Variants in TG observed in about 807,000 individuals in gnomAD.
The protein encoded by TG is thyroglobulin.
In TG, 270 loss-of-function variants were observed where a neutral mutation model predicts 324.7. The ratio of observed to expected loss-of-function variants is 0.83; its 90% CI spans 0.75 to 0.92. The LOEUF (loss-of-function observed/expected upper bound fraction) is 0.92, where lower values mean the gene tolerates loss of function less well. Among genes scored for constraint, TG ranks in the 40% least tolerant of loss-of-function variants. The pLI is 0.00. For missense variants in TG, 3,591 were observed against 3,456.4 expected, an observed-to-expected ratio of 1.04 and a Z score of -0.98; for synonymous variants, 1,401 against 1,327.0, an observed-to-expected ratio of 1.06 and a Z score of -1.21.
In TG at chr8:133,050,261, A is replaced by C. The variant is rs187254214; in HGVS notation, c.7239+20238A>C. The C allele has an allele frequency of 6.1e-6, 3 of 491,544 alleles. No individual in the cohort carries two copies. In the Admixed American group the frequency reaches 9.7e-5, roughly 16 times the overall value. The allele number at this position is 491,544 out of a possible 1,614,324, so 30.4% of individuals were successfully genotyped here. ...TCAGGGATTAGCAGCTAATGTTCCC[A>C]ACTGTTGGAGGCTTTTTAAAAATAA... On this transcript the variant is annotated intron_variant, in intron 41 of 47. Coordinates refer to ENST00000220616, the MANE Select transcript of TG (RefSeq NM_003235.5).
intron 34 of TG, among the ~76,000 whole-genome samples, chr8:132,974,250 T>C (rs1829922147): frequency 6.6e-6 from 1 of 152,142 alleles, no homozygotes; most frequent in African/African-American, 2.4e-5. Flanking sequence ...CGCCTCGGCC[T>C]CCCAAAGTGC....
At position 133,102,725 on chromosome 8, in the gene TG, G is replaced by T; in HGVS notation, c.7572+6352G>T. Reference sequence around the variant, plus strand: ...TTGACAGTCTGCCTACATTATCCAGGCATTCATTTGCATGATCAAAAGCAG... The same window carrying T: ...TTGACAGTCTGCCTACATTATCCAGTCATTCATTTGCATGATCAAAAGCAG... On this transcript the variant is annotated intron_variant, in intron 43 of 47. Transcript: ENST00000220616. 4 of 654,508 alleles carry T rather than the reference G, an allele frequency of 6.1e-6. 1 individual carries two copies. In the South Asian group the frequency reaches 7.2e-5, roughly 12 times the overall value. 40.5% of individuals were successfully genotyped at this position (654,508 alleles called of 1,614,324 possible).
chr8:133,121,962 T>TTCTC (rs145004035), intron 45 of TG, among the ~76,000 whole-genome samples: 3 of 150,736 alleles, frequency 2.0e-5, no homozygotes, highest in Non-Finnish European at 3.0e-5. Flanking sequence ...ACATCTCTCT[T>TTCTC]TCTCTCTCTC....
chr8:132,932,295 G>C (rs1822840188), intron 23 of TG, among the ~76,000 whole-genome samples: 2 of 152,208 alleles, frequency 1.3e-5, no homozygotes, highest in Admixed American at 6.5e-5. Flanking sequence ...CATCTCAATA[G>C]AGCTGCAGTT....
intron 44 of TG, among the ~76,000 whole-genome samples, chr8:133,114,209 C>T (rs1850506832): frequency 6.6e-6 from 1 of 152,222 alleles, no homozygotes; most frequent in African/African-American, 2.4e-5. Context: ...CAAGCTCTGA[C>T]AGCCCTGCGC....
intron 41 of TG, among the ~76,000 whole-genome samples, chr8:133,064,673 C>T (rs558918078): frequency 3.9e-5 from 6 of 152,342 alleles, no homozygotes; most frequent in East Asian, 3.9e-4. Context: ...CCGTCGACAA[C>T]GTGGGATATG....
chr8:133,107,982 CTTT>C (rs377363035), intron 43 of TG, among the ~76,000 whole-genome samples: 1,357 of 134,074 alleles, frequency 0.01, 19 homozygotes, highest in African/African-American at 0.037. Flanking sequence ...TTCTTTTCTT[CTTT>C]TTTTTTTTTT....
chr8:133,095,676 A>G (rs1293072652), intron 42 of TG, among the ~76,000 whole-genome samples: 1 of 152,200 alleles, frequency 6.6e-6, no homozygotes, highest in East Asian at 1.9e-4. Context: ...ATAGCATGCA[A>G]AGTTCTTGCT....
At chr8:133,095,708 G>A (rs1848298533) in intron 42 of TG, among the ~76,000 whole-genome samples, 1 of 152,224 alleles carries the variant, frequency 6.6e-6, no homozygotes, top group Non-Finnish European at 1.5e-5. Flanking sequence ...TCTCTGGCTG[G>A]CCTTCACATT....
At chr8:132,917,025 G>GCCCCCCC (rs1820401601) in intron 20 of TG, among the ~76,000 whole-genome samples, 2 of 81,574 alleles carry the variant, frequency 2.5e-5, no homozygotes, top group Admixed American at 1.3e-4. Flanking sequence ...CTCCCTCCAT[G>GCCCCCCC]CCTCCCTCCC....
At chr8:133,118,553 G>A (rs1850892577) in intron 45 of TG, among the ~76,000 whole-genome samples, 1 of 152,090 alleles carries the variant, frequency 6.6e-6, no homozygotes, top group Non-Finnish European at 1.5e-5. Flanking sequence ...TCGAATTCTT[G>A]ACCTCAAGTG....
intron 20 of TG, among the ~76,000 whole-genome samples, chr8:132,914,338 GA>G (rs1461962587): frequency 6.6e-6 from 1 of 152,206 alleles, no homozygotes; most frequent in African/African-American, 2.4e-5. Context: ...TGGCGCTAAA[GA>G]AAGAGAAGAT....
At chr8:133,103,706 T>C (rs1849540404) in intron 43 of TG, among the ~76,000 whole-genome samples, 1 of 152,168 alleles carries the variant, frequency 6.6e-6, no homozygotes, top group Non-Finnish European at 1.5e-5. Context: ...GATGGAGAAG[T>C]AAGTCCTTGT....
At chr8:132,978,067 G>A (rs1830393739) in intron 34 of TG, among the ~76,000 whole-genome samples, 1 of 152,220 alleles carries the variant, frequency 6.6e-6, no homozygotes, top group Non-Finnish European at 1.5e-5. Context: ...CCAAGACTGG[G>A]TAATTTATAA....
intron 41 of TG, among the ~76,000 whole-genome samples, chr8:133,039,215 C>G (rs899312970): frequency 3.3e-5 from 5 of 152,212 alleles, no homozygotes; most frequent in African/African-American, 1.2e-4. Flanking sequence ...TAACCTATTA[C>G]TCTAACTACT....
intron 17 of TG, among the ~76,000 whole-genome samples, chr8:132,907,809 G>C (rs1563939631): frequency 6.6e-6 from 1 of 152,158 alleles, no homozygotes; most frequent in Non-Finnish European, 1.5e-5. Context: ...GTTGTGCACT[G>C]AACAACCTTA....
chr8:133,082,139 T>C (rs1845843026), intron 41 of TG, among the ~76,000 whole-genome samples: 1 of 152,110 alleles, frequency 6.6e-6, no homozygotes, highest in Non-Finnish European at 1.5e-5. Context: ...ACGGTGCTGG[T>C]GTTGGTGGTG....
rs117331502 is a variant in TG, at chr8:132,875,566, G to C, written c.638+2345G>C. Among the ~76,000 whole-genome samples the C allele has an allele frequency of 4.5e-3, 685 of 152,308 alleles. 4 individuals are homozygous for C. The highest frequency in any genetic ancestry group is 7.7e-3 in the Non-Finnish European group (521 of 68,038). On this transcript the variant is annotated intron_variant, in intron 5 of 47. Transcript: ENST00000220616. Reference sequence around the variant, plus strand: ...CAGAGCCTTGCACACAGCAGGTCTGGAATCAGTGCTTAAGGAATTGGTGAA... The same window carrying C: ...CAGAGCCTTGCACACAGCAGGTCTGCAATCAGTGCTTAAGGAATTGGTGAA...
chr8:133,105,061 G>T (rs1409768093), intron 43 of TG, among the ~76,000 whole-genome samples: 2 of 152,182 alleles, frequency 1.3e-5, no homozygotes, highest in African/African-American at 4.8e-5. Context: ...GAGCATTTGT[G>T]TATTCATTCA....
Sources: gnomAD v4.1 joint callset for allele counts (sites outside exome capture counted in the v4.1 genomes callset) on GRCh38, gnomAD v4.1.1 for gene constraint, MANE v1.5 for transcripts, NCBI Gene and HGNC (gene_info 2026-07-23, HGNC 2026-07-21) for gene names.